Variants in RPS6KA5 observed in about 807,000 individuals in gnomAD.
The protein encoded by RPS6KA5 is ribosomal protein S6 kinase alpha-5.
A neutral mutation model predicts 85.5 loss-of-function variants in RPS6KA5; 27 were observed. The ratio of observed to expected loss-of-function variants is 0.32; its 90% CI spans 0.23 to 0.44. The LOEUF is 0.44. RPS6KA5 is among the 20% of genes least tolerant of loss of function. RPS6KA5 has a pLI of 1.00. For missense variants in RPS6KA5, 811 were observed against 980.9 expected (o/e 0.83, Z 2.31); for synonymous variants, 334 against 348.2 (o/e 0.96, Z 0.46).
At chr14:91,013,798 A>G (rs1398990398) in intron 1 of RPS6KA5, among the ~76,000 whole-genome samples, 2 of 152,254 alleles carry the variant, frequency 1.3e-5, no homozygotes, top group African/African-American at 4.8e-5. Context: ...GATGGAAAAC[A>G]GTGAAGCCAA....
chr14:90,974,453 C>T (rs1436650833), intron 3 of RPS6KA5, among the ~76,000 whole-genome samples: 1 of 152,164 alleles, frequency 6.6e-6, no homozygotes, highest in Non-Finnish European at 1.5e-5. Flanking sequence ...GCCATGAATT[C>T]TTTCTAGTTC....
chr14:90,969,581 G>C (rs938156476), intron 3 of RPS6KA5, among the ~76,000 whole-genome samples: 3 of 152,216 alleles, frequency 2.0e-5, no homozygotes, highest in Admixed American at 1.3e-4. Flanking sequence ...CAATTGCATG[G>C]AAGTCAGCTT....
intron 1 of RPS6KA5, among the ~76,000 whole-genome samples, chr14:91,025,578 T>C (rs2041959627): frequency 6.6e-6 from 1 of 152,138 alleles, no homozygotes; most frequent in Admixed American, 6.5e-5. Context: ...ACATGAAAAT[T>C]TGGAATCAGG....
In RPS6KA5 at chr14:90,872,221, C is replaced by G; in HGVS notation, c.2262G>C (p.Glu754Asp). Residue 754 changes from glutamate to aspartate, a missense_variant, in exon 17 of 17, where the codon GAG becomes GAC. Around this residue, in one of 3 missense-constraint regions of RPS6KA5, gnomAD observed 650 missense variants for 793.4 expected, o/e 0.82. Transcript: ENST00000614987. ...AACTCTCACTGGAACTGCTGCGCGTCTCGGTACTGGTGCTAGTCTTTTTCA... is the reference window on the plus strand; with the variant it reads ...AACTCTCACTGGAACTGCTGCGCGTGTCGGTACTGGTGCTAGTCTTTTTCA... ...RKMKKTSTST[E>D]TRSSSSESSH... is the part of the protein sequence containing the mutation. The G allele has an allele frequency of 2.5e-6, 4 of 1,613,994 alleles. No individual in the cohort carries two copies. Among genetic ancestry groups the G allele is most frequent in the Admixed American group, 1.7e-5 (1 of 59,988 alleles).
intron 15 of RPS6KA5, 55 bp from the exon 16 acceptor site, chr14:90,873,850 AACAAACTCAG>A: frequency 6.7e-7 from 1 of 1,491,744 alleles, no homozygotes; most frequent in Non-Finnish European, 9.2e-7. Flanking sequence ...ATGGTTTAAA[AACAAACTCAG>A]AAATAAATCT....
chr14:90,919,624 G>C (rs1452440597), intron 7 of RPS6KA5, among the ~76,000 whole-genome samples: 1 of 152,044 alleles, frequency 6.6e-6, no homozygotes, highest in African/African-American at 2.4e-5. Context: ...ATCAAAGCCA[G>C]ACATGTCCCT....
At chr14:91,032,598 T>A (rs2042227756) in intron 1 of RPS6KA5, among the ~76,000 whole-genome samples, 1 of 152,054 alleles carries the variant, frequency 6.6e-6, no homozygotes, top group African/African-American at 2.4e-5. Context: ...GGGCAACACA[T>A]CTAGTTGGAA....
intron 1 of RPS6KA5, among the ~76,000 whole-genome samples, chr14:91,009,555 T>C (rs1004257241): frequency 2.0e-5 from 3 of 152,158 alleles, no homozygotes; most frequent in African/African-American, 7.2e-5. Context: ...GTCTAAGGTA[T>C]TTTAATTATT....
At chr14:90,877,862 C>T (rs1005273255) in intron 14 of RPS6KA5, among the ~76,000 whole-genome samples, 3 of 152,272 alleles carry the variant, frequency 2.0e-5, no homozygotes, top group Admixed American at 1.3e-4. Flanking sequence ...ACCATTTCTT[C>T]GCGGGTAAAA....
At chr14:91,000,102 G>A (rs923511017) in intron 2 of RPS6KA5, among the ~76,000 whole-genome samples, 3 of 152,046 alleles carry the variant, frequency 2.0e-5, no homozygotes, top group East Asian at 3.9e-4. Context: ...CACCACGCCC[G>A]GGCACCTAGA....
chr14:91,017,082 G>A (rs992572682), intron 1 of RPS6KA5, among the ~76,000 whole-genome samples: 10 of 152,130 alleles, frequency 6.6e-5, no homozygotes, highest in Admixed American at 1.3e-4. Flanking sequence ...TGGTGGTTAC[G>A]CATGGGCTCA....
chr14:91,059,186 C>CAA (rs2043492256), intron 1 of RPS6KA5, among the ~76,000 whole-genome samples: 1 of 47,128 alleles, frequency 2.1e-5, no homozygotes, highest in African/African-American at 8.4e-5. Flanking sequence ...ACAAAAAATA[C>CAA]AAAATTAGCC....
chr14:91,021,266 G>T (rs1045006013), intron 1 of RPS6KA5, among the ~76,000 whole-genome samples: 3 of 152,120 alleles, frequency 2.0e-5, no homozygotes, highest in African/African-American at 4.8e-5. Flanking sequence ...GCACCACAGA[G>T]AAGAGACCTC....
chr14:90,947,319 A>G (rs2140368323), intron 4 of RPS6KA5, 116 bp downstream of exon 4: 1 of 598,614 alleles, frequency 1.7e-6, no homozygotes. Flanking sequence ...TTCTATAAGT[A>G]TGCTTTCATA....
At position 90,872,327 on chromosome 14, in the gene RPS6KA5, C is replaced by CG; in HGVS notation, c.2161-6dup. The stretch of plus-strand genomic sequence containing the variant: ...TCTCTTGTATTTGTTAAAGGCCTGG[C>CG]GGGGGAAAAAAAGGGAACCCCTGTG... On this transcript the variant is annotated splice_polypyrimidine_tract_variant and splice_region_variant and intron_variant, in intron 16 of 16. Transcript: ENST00000614987. 6.3e-7 allele frequency: 1 copy of CG among 1,589,210 alleles called. No homozygotes were observed. Among genetic ancestry groups the CG allele is most frequent in the East Asian group, 2.2e-5 (1 of 44,656 alleles).
chr14:91,047,085 A>C (rs944040240), intron 1 of RPS6KA5, among the ~76,000 whole-genome samples: 1 of 150,990 alleles, frequency 6.6e-6, no homozygotes, highest in African/African-American at 2.4e-5. Context: ...AAAACACTGG[A>C]CATAAAGTCA....
intron 15 of RPS6KA5, among the ~76,000 whole-genome samples, chr14:90,874,503 A>T (rs577650507): frequency 6.6e-6 from 1 of 152,264 alleles, no homozygotes; most frequent in Admixed American, 6.5e-5. Flanking sequence ...ACAAAGGCAG[A>T]CAGGACCAGG....
chr14:91,051,797 TAAAAAAAA>T (rs963199560), intron 1 of RPS6KA5, among the ~76,000 whole-genome samples: 2 of 146,196 alleles, frequency 1.4e-5, no homozygotes, highest in Non-Finnish European at 3.0e-5. Context: ...CCGAAAGATT[TAAAAAAAA>T]AAGAAAAAGC....
At chr14:91,046,715 C>T (rs1265542050) in intron 1 of RPS6KA5, among the ~76,000 whole-genome samples, 1 of 152,168 alleles carries the variant, frequency 6.6e-6, no homozygotes, top group African/African-American at 2.4e-5. Context: ...TATGATTCTC[C>T]ACCCTTTTAC....
Sources: allele counts gnomAD v4.1 joint callset (sites outside exome capture counted in the v4.1 genomes callset), GRCh38; gene constraint gnomAD v4.1.1; regional missense constraint gnomAD v4.1.1; transcripts MANE v1.5; gene names NCBI Gene and HGNC (gene_info 2026-07-23, HGNC 2026-07-21).